Variants in RIMS2 observed in about 807,000 individuals in gnomAD.
RIMS2 encodes regulating synaptic membrane exocytosis protein 2.
Under a neutral mutation model 174.4 loss-of-function variants are expected in RIMS2, and 59 were observed. The observed-to-expected ratio is 0.34, with a 90% CI of 0.27 to 0.42. The LOEUF is 0.42. Ranked by LOEUF, RIMS2 falls within the 10% of genes least tolerant of loss-of-function variation. The probability of loss-of-function intolerance (pLI) is 1.00; values close to 1 mark genes in which losing one functional copy is unlikely to be tolerated. For missense variants in RIMS2, 1,620 were observed against 1,666.3 expected (o/e 0.97, Z 0.48); for synonymous variants, 606 against 572.5 (o/e 1.06, Z -0.84).
intron 2 of RIMS2, among the ~76,000 whole-genome samples, chr8:103,760,004 A>C (rs775650742): frequency 5.9e-5 from 9 of 152,240 alleles, no homozygotes; most frequent in Non-Finnish European, 1.2e-4. Flanking sequence ...TATTTATTGG[A>C]CTACAATTTA....
intron 1 of RIMS2, among the ~76,000 whole-genome samples, chr8:103,585,918 TAAA>T (rs34443811): frequency 7.1e-6 from 1 of 140,288 alleles, no homozygotes; most frequent in South Asian, 2.3e-4. Flanking sequence ...CATCAATCAT[TAAA>T]AAAAAAAAAG....
intron 3 of RIMS2, among the ~76,000 whole-genome samples, chr8:103,820,878 C>G (rs2154472907): frequency 6.6e-6 from 1 of 151,310 alleles, no homozygotes; most frequent in South Asian, 2.1e-4. Flanking sequence ...TGATACATCA[C>G]TTTAGTGTCT....
chr8:103,756,176 A>C (rs1005346876), intron 2 of RIMS2, among the ~76,000 whole-genome samples: 2 of 152,106 alleles, frequency 1.3e-5, no homozygotes, highest in African/African-American at 4.8e-5. Flanking sequence ...TCCTACTAGC[A>C]GTCAGGTCAC....
At chr8:103,792,696 A>G (rs1021162547) in intron 3 of RIMS2, among the ~76,000 whole-genome samples, 9 of 151,784 alleles carry the variant, frequency 5.9e-5, no homozygotes, top group Non-Finnish European at 1.2e-4. Flanking sequence ...AAGACTAATA[A>G]AGAAGAAAAG....
intron 19 of RIMS2, among the ~76,000 whole-genome samples, chr8:104,123,921 T>A (rs2098406518): frequency 6.6e-6 from 1 of 152,156 alleles, no homozygotes; most frequent in African/African-American, 2.4e-5. Context: ...AAAGTGGATT[T>A]TCTTATACTG....
At chr8:103,706,340 A>T (rs2097225323) in intron 2 of RIMS2, among the ~76,000 whole-genome samples, 1 of 152,150 alleles carries the variant, frequency 6.6e-6, no homozygotes, top group South Asian at 2.1e-4. Flanking sequence ...ACATGCCACA[A>T]TTACAGTTTT....
chr8:103,994,117 A>G (rs2094915429), intron 17 of RIMS2, among the ~76,000 whole-genome samples: 1 of 151,552 alleles, frequency 6.6e-6, no homozygotes, highest in Admixed American at 6.6e-5. Flanking sequence ...TGGAAGCTAT[A>G]GTTTTACTTA....
At chr8:104,048,208 T>C (rs1044541167) in intron 19 of RIMS2, among the ~76,000 whole-genome samples, 6 of 152,114 alleles carry the variant, frequency 3.9e-5, no homozygotes, top group African/African-American at 1.2e-4. Flanking sequence ...TTAAAAGCCT[T>C]AACATCTGAA....
At chr8:103,890,101 T>C (rs1016920112) in intron 4 of RIMS2, among the ~76,000 whole-genome samples, 5 of 151,982 alleles carry the variant, frequency 3.3e-5, no homozygotes, top group African/African-American at 4.8e-5. Context: ...ATTCAAATCA[T>C]TTTTGGATTA....
intron 19 of RIMS2, among the ~76,000 whole-genome samples, chr8:104,037,661 T>C (rs1355860318): frequency 6.6e-6 from 1 of 152,168 alleles, no homozygotes; most frequent in Non-Finnish European, 1.5e-5. Context: ...AACATAACAA[T>C]AGTTAAAACA....
chr8:103,748,907 T>TCA (rs1398914478), intron 2 of RIMS2, among the ~76,000 whole-genome samples: 1 of 151,980 alleles, frequency 6.6e-6, no homozygotes, highest in Non-Finnish European at 1.5e-5. Flanking sequence ...TTCAAGCAAT[T>TCA]CACCTGCCTC....
At chr8:103,865,288 T>C (rs1042311377) in intron 3 of RIMS2, among the ~76,000 whole-genome samples, 52 of 144,752 alleles carry the variant, frequency 3.6e-4, no homozygotes, top group Middle Eastern at 3.5e-3. Flanking sequence ...TTTTTTCTTT[T>C]TTTTTTTTTT....
Position 103,562,468 on chromosome 8 carries a change from T to C in RIMS2, c.176+61406T>C, listed in dbSNP as rs367972201. 6.6e-5 allele frequency among the ~76,000 whole-genome samples: 10 copies of C among 152,328 alleles called. No individual in the cohort carries two copies. The East Asian group carries it at 1.9e-3, about 29-fold the overall frequency. On this transcript the variant is annotated intron_variant, in intron 1 of 23. Coordinates refer to ENST00000504942, the Ensembl canonical transcript of RIMS2. ...AACAGTCTCCTCTCCTTTGACACCA[T>C]GTCTCACATCTAGGTCATGCTGATG...
exon 4 of RIMS2, chr8:103,886,179 G>C (rs770528157): frequency 6.2e-7 from 1 of 1,612,254 alleles, no homozygotes; most frequent in South Asian, 1.1e-5. Context: ...GAATATACAA[G>C]TTGTGATGAT....
intron 15 of RIMS2, among the ~76,000 whole-genome samples, chr8:103,964,134 T>C (rs963529373): frequency 1.3e-5 from 2 of 152,364 alleles, no homozygotes; most frequent in Non-Finnish European, 2.9e-5. Flanking sequence ...GCTATAAACA[T>C]CTGTGTGCAG....
At chr8:103,706,435 T>A (rs1194901593) in intron 2 of RIMS2, among the ~76,000 whole-genome samples, 2 of 152,152 alleles carry the variant, frequency 1.3e-5, no homozygotes. Flanking sequence ...TTGTTTCTTT[T>A]TTTTAAAAAA....
intron 19 of RIMS2, among the ~76,000 whole-genome samples, chr8:104,153,387 G>A (rs534829659): frequency 3.9e-5 from 6 of 152,198 alleles, no homozygotes; most frequent in Admixed American, 6.5e-5. Context: ...GAATTGACAC[G>A]TGCTATCCTA....
At position 103,561,153 on chromosome 8, in the gene RIMS2, C is replaced by A. The variant is rs80164228; in HGVS notation, c.176+60091C>A. On this transcript the variant is annotated intron_variant, in intron 1 of 23. Coordinates refer to ENST00000504942, the Ensembl canonical transcript of RIMS2. ...CTTTTTCCTCTCTGTGACCAAGAAT[C>A]TGAAATATATATATATCTTAAGAGA... is the stretch of plus-strand genomic sequence containing the variant. Among the ~76,000 whole-genome samples the A allele has an allele frequency of 8.1e-3, 1,228 of 152,166 alleles. 13 individuals carry two copies. Among genetic ancestry groups the A allele is most frequent in the Non-Finnish European group, 0.013 (885 of 68,008 alleles).
Position 104,039,808 on chromosome 8 carries a change from C to T in RIMS2, c.3334+25193C>T, listed in dbSNP as rs140793117. ...ATTGATGATGGAAACAAAAATATAG[C>T]ATGTGTCATTTTAATGTGTATTAGT... On this transcript the variant is annotated intron_variant, in intron 19 of 23. Transcript: ENST00000504942. 5.5e-4 allele frequency among the ~76,000 whole-genome samples: 84 copies of T among 151,748 alleles called. No homozygotes were observed. The East Asian group carries it at 0.016, about 28-fold the overall frequency.
Sources: allele counts gnomAD v4.1 joint callset (sites outside exome capture counted in the v4.1 genomes callset), GRCh38; gene constraint gnomAD v4.1.1; transcripts MANE v1.5; gene names NCBI Gene and HGNC (gene_info 2026-07-23, HGNC 2026-07-21).